ZNF493: variants seen among roughly 807,000 people sequenced by gnomAD.
ZNF493 encodes zinc finger protein 493.
A neutral mutation model predicts 12.2 loss-of-function variants in ZNF493; 11 were observed. The ratio of observed to expected loss-of-function variants is 0.90; its 90% confidence interval spans 0.57 to 1.50. The LOEUF is 1.50. Among genes scored for constraint, ZNF493 ranks in the 40% most tolerant of loss-of-function variants. ZNF493 has a pLI of 0.00. For missense variants in ZNF493, 950 were observed against 906.6 expected (o/e 1.05, Z -0.61); for synonymous variants, 286 against 302.6 (o/e 0.95, Z 0.57).
rs2030820842 is a variant in ZNF493 at position 21,425,111 on chromosome 19, A to T, written c.*127A>T. 2 of 1,145,216 alleles carry T rather than the reference A, an allele frequency of 1.7e-6. No individual in the cohort carries two copies. Among genetic ancestry groups the T allele is most frequent in the Non-Finnish European group, 2.6e-6 (2 of 765,982 alleles). 70.9% of individuals were successfully genotyped at this position (1,145,216 alleles called of 1,614,324 possible). On this transcript the variant is annotated 3_prime_UTR_variant, in exon 4 of 4. Transcript: ENST00000392288. ...CTGGAGAGAAACCCTACAAATGTGA[A>T]GAATGTGGCAAAGATTTCTATTGAT...
At chr19:21,417,373 T>C (rs1272897066) in intron 3 of ZNF493, among the ~76,000 whole-genome samples, 1 of 152,082 alleles carries the variant, frequency 6.6e-6, no homozygotes, top group Admixed American at 6.5e-5. Context: ...TCCAATACCA[T>C]CAAAGGCCTG....
intron 3 of ZNF493, among the ~76,000 whole-genome samples, chr19:21,406,489 C>T (rs987045112): frequency 2.6e-5 from 4 of 152,124 alleles, no homozygotes; most frequent in African/African-American, 9.7e-5. Flanking sequence ...ATATAAGAGA[C>T]TGCACAATCT....
intron 3 of ZNF493, among the ~76,000 whole-genome samples, chr19:21,421,001 G>A (rs1191275841): frequency 6.6e-6 from 1 of 151,964 alleles, no homozygotes; most frequent in East Asian, 1.9e-4. Flanking sequence ...GCATGCCTTG[G>A]CCTCCCAAAG....
rs932683885 is a variant in ZNF493 at position 21,424,756 on chromosome 19, C to T, written c.2097C>T (p.Asn699=). 2 of 1,612,916 alleles carry T rather than the reference C, an allele frequency of 1.2e-6. No homozygotes were observed. Among genetic ancestry groups the T allele is most frequent in the South Asian group, 1.1e-5 (1 of 91,006 alleles). ...KCGKTFYRFS[N]LNTHKIIHTG... The stretch of plus-strand genomic sequence containing the variant: ...GCAAAACTTTCTACCGATTCTCAAA[C>T]CTTAATACGCATAAGATAATTCATA... Residue 699 remains asparagine, a synonymous_variant, in exon 4 of 4, where the codon AAC becomes AAT. Coordinates refer to ENST00000392288, the MANE Select transcript of ZNF493 (RefSeq NM_001076678.3).
In ZNF493 at chr19:21,397,210, T is replaced by G. The variant is rs62110379; in HGVS notation, c.-28T>G. 0.23 allele frequency: 368,936 copies of G among 1,612,728 alleles called. 43,994 individuals are homozygous for G. Among genetic ancestry groups the G allele is most frequent in the Non-Finnish European group, 0.25 (289,973 of 1,178,790 alleles). On this transcript the variant is annotated 5_prime_UTR_variant, in exon 1 of 4. Coordinates refer to ENST00000392288, the MANE Select transcript of ZNF493 (RefSeq NM_001076678.3). ...CCTCAGCGTGTGTGGCTTCGTGACC[T>G]GAAGATACTGGGAAATCCATAGCTA... is the stretch of plus-strand genomic sequence containing the variant.
intron 1 of ZNF493, among the ~76,000 whole-genome samples, chr19:21,401,066 C>T (rs779382459): frequency 7.2e-5 from 11 of 152,138 alleles, no homozygotes; most frequent in Non-Finnish European, 1.2e-4. Context: ...AGCTTGTGTT[C>T]ATTTTGTATG....
At chr19:21,422,838 T>A in intron 3 of ZNF493, 75 bp from the exon 4 acceptor site, 1 of 1,316,736 alleles carries the variant, frequency 7.6e-7, no homozygotes. Flanking sequence ...TTGTATAATA[T>A]TATAGTTTAG....
intron 3 of ZNF493, among the ~76,000 whole-genome samples, chr19:21,418,486 C>G (rs191461691): frequency 2.0e-5 from 3 of 152,152 alleles, no homozygotes; most frequent in African/African-American, 7.2e-5. Context: ...AACCATCACT[C>G]CACTGACCTT....
In ZNF493 at chr19:21,424,145, A is replaced by G. The variant is rs2030776413; in HGVS notation, c.1486A>G (p.Lys496Glu). ...ACCCTACAAATGTGAAGAATGTGGC[A>G]AAGCTTTTAACCAATCTTCAACCCT... ...EKPYKCEECG[K>E]AFNQSSTLSI... Residue 496 changes from lysine to glutamate, a missense_variant, in exon 4 of 4, where the codon AAA (lysine) becomes GAA (glutamate). Coordinates refer to ENST00000392288, the MANE Select transcript of ZNF493 (RefSeq NM_001076678.3). 4 of 1,613,636 alleles carry G rather than the reference A, an allele frequency of 2.5e-6. No individual in the cohort carries two copies. The South Asian group carries it at 4.4e-5, about 18-fold the overall frequency.
chr19:21,425,987 CAT>C lies in ZNF493; in HGVS notation c.*1005_*1006del, dbSNP rs1361715518. On this transcript the variant is annotated 3_prime_UTR_variant, in exon 4 of 4. Coordinates refer to ENST00000392288, the MANE Select transcript of ZNF493 (RefSeq NM_001076678.3). ...TAACCAGTCCTCAATTTTTACTAAA[CAT>C]AAGAAAATTCATACTGGAGAGAAAC... 1.5e-6 allele frequency: 1 copy of C among 652,522 alleles called. No homozygotes were observed. The highest frequency in any genetic ancestry group is 2.7e-6 in the Non-Finnish European group (1 of 374,164). The allele number at this position is 652,522 out of a possible 1,614,324, so 40.4% of individuals were successfully genotyped here. A position where few individuals can be genotyped will look rare whatever the true frequency, so the allele number is the denominator to read the frequency against.
At position 21,424,921 on chromosome 19, in the gene ZNF493, A is replaced by G; in HGVS notation, c.2262A>G (p.Ser754=). ...EACGKAFRRS[S]HLSRHKIIHI... is the part of the protein sequence containing the mutation. ...GTGGCAAAGCTTTTAGGCGGTCTTC[A>G]CATCTTAGTAGACATAAGATAATTC... The change falls in exon 4 of 4, where the codon TCA becomes TCG. Residue 754 remains serine, a synonymous_variant. Transcript: ENST00000392288. 1.2e-6 allele frequency: 2 copies of G among 1,611,922 alleles called. No homozygotes were observed. Among genetic ancestry groups the G allele is most frequent in the Non-Finnish European group, 1.7e-6 (2 of 1,178,964 alleles).
intron 3 of ZNF493, among the ~76,000 whole-genome samples, chr19:21,410,579 CAT>C (rs2030294065): frequency 6.6e-6 from 1 of 151,882 alleles, no homozygotes; most frequent in Admixed American, 6.6e-5. Context: ...TTTAAGAGTT[CAT>C]ATGTTATGAA....
At chr19:21,419,277 G>A (rs2030584667) in intron 3 of ZNF493, among the ~76,000 whole-genome samples, 1 of 151,974 alleles carries the variant, frequency 6.6e-6, no homozygotes, top group African/African-American at 2.4e-5. Flanking sequence ...ATAATTGATT[G>A]GTGTTCAGCA....
intron 3 of ZNF493, among the ~76,000 whole-genome samples, chr19:21,417,551 G>A (rs2030530717): frequency 6.6e-6 from 1 of 152,064 alleles, no homozygotes; most frequent in South Asian, 2.1e-4. Context: ...TCCATATACG[G>A]TTCTTTTGGT....
At chr19:21,420,293 T>C (rs1434975045) in intron 3 of ZNF493, among the ~76,000 whole-genome samples, 1 of 152,114 alleles carries the variant, frequency 6.6e-6, no homozygotes, top group South Asian at 2.1e-4. Context: ...TTCTTTATTT[T>C]TATTTTATAT....
At chr19:21,407,264 A>G (rs1599732150) in intron 3 of ZNF493, among the ~76,000 whole-genome samples, 1 of 152,078 alleles carries the variant, frequency 6.6e-6, no homozygotes, top group South Asian at 2.1e-4. Flanking sequence ...CAGGGGAATC[A>G]CTATTATTAA....
Position 21,423,588 on chromosome 19 carries a change from G to C in ZNF493, c.929G>C (p.Gly310Ala), listed in dbSNP as rs112511886. 1.2e-6 allele frequency: 2 copies of C among 1,612,540 alleles called. No individual in the cohort carries two copies. The highest frequency in any genetic ancestry group is 2.7e-5 in the African/African-American group (2 of 74,542). Residue 310 changes from glycine (G) to alanine (A), a missense_variant, in exon 4 of 4, where the codon GGA becomes GCA. Physicochemically the swap from Gly to Ala is moderately conservative, Grantham distance 60. Transcript: ENST00000392288. ...TTTAACCAATCTTCAACCCTTACTG[G>C]ACATAAGATAATTCATAATGGAGAA... ...KTFNQSSTLT[G>A]HKIIHNGEKP...
rs867143173 is a variant in ZNF493, at chr19:21,409,982, G to A, written c.253+4126G>A. ...TCATCATTTTGTTTCTGGCATATAG[G>A]TGACATAATATTTGCAAAGTTTATC... On this transcript the variant is annotated intron_variant, in intron 3 of 3. Transcript: ENST00000392288. 2.7e-5 allele frequency among the ~76,000 whole-genome samples: 4 copies of A among 150,148 alleles called. No individual in the cohort carries two copies. The East Asian group carries it at 5.9e-4, about 22-fold the overall frequency.
chr19:21,407,230 TC>T (rs754239272), intron 3 of ZNF493, among the ~76,000 whole-genome samples: 3 of 152,006 alleles, frequency 2.0e-5, no homozygotes, highest in Non-Finnish European at 4.4e-5. Flanking sequence ...GCACTTGTAA[TC>T]CCAGCTACTC....
Sources: gnomAD v4.1 joint callset for allele counts (sites outside exome capture counted in the v4.1 genomes callset) on GRCh38, gnomAD v4.1.1 for gene constraint, MANE v1.5 for transcripts, NCBI Gene and HGNC (gene_info 2026-07-23, HGNC 2026-07-21) for gene names.